ALDH1A3: variants seen among roughly 807,000 people sequenced by gnomAD.
The protein encoded by ALDH1A3 is aldehyde dehydrogenase 1 family member A3.
ALDH1A3 carries 28 observed loss-of-function variants against 57.5 expected under a neutral mutation model. The ratio of observed to expected loss-of-function variants is 0.49; its 90% confidence interval spans 0.36 to 0.67. ALDH1A3 has a LOEUF of 0.67. ALDH1A3 is among the 30% of genes least tolerant of loss of function. The probability of loss-of-function intolerance (pLI) is 0.00; values close to 1 mark genes in which losing one functional copy is unlikely to be tolerated. For missense variants in ALDH1A3, 507 were observed against 669.4 expected, an observed-to-expected ratio of 0.76 and a Z score of 2.68; for synonymous variants, 281 against 264.8, an observed-to-expected ratio of 1.06 and a Z score of -0.59.
In ALDH1A3 at chr15:100,916,063, C is replaced by A. The variant is rs1215411639; in HGVS notation, c.*1290C>A. 1 of 152,150 alleles carries A rather than the reference C, an allele frequency of 6.6e-6. No homozygotes were observed. Among genetic ancestry groups the A allele is most frequent in the Non-Finnish European group, 1.5e-5 (1 of 68,044 alleles). 9.4% of individuals were successfully genotyped at this position (152,150 alleles called of 1,614,324 possible). On this transcript the variant is annotated 3_prime_UTR_variant, in exon 13 of 13. Coordinates refer to ENST00000329841, the MANE Select transcript of ALDH1A3 (RefSeq NM_000693.4). ...TACTTTCCTAATTGGGAAAGTAGTG[C>A]TTAAGTTTGCAAATTAAGTTGGGGA...
At chr15:100,882,106 G>A (rs1427442885) in intron 1 of ALDH1A3, among the ~76,000 whole-genome samples, 1 of 152,258 alleles carries the variant, frequency 6.6e-6, no homozygotes, top group Non-Finnish European at 1.5e-5. Context: ...ATGGGAGCCA[G>A]CAGTGGTCTG....
In ALDH1A3 at chr15:100,885,319, C is replaced by T; in HGVS notation, c.152C>T (p.Thr51Ile). 1 of 1,614,000 alleles carries T rather than the reference C, an allele frequency of 6.2e-7. No homozygotes were observed. The highest frequency in any genetic ancestry group is 8.5e-7 in the Non-Finnish European group (1 of 1,179,872). The change falls in exon 2 of 13, where the codon ACA (threonine) becomes ATA (isoleucine). Residue 51 changes from threonine (T) to isoleucine (I), a missense_variant. Physicochemically the swap from Thr to Ile is moderately conservative, Grantham distance 89. This residue lies in a region of ALDH1A3 where 432 missense variants were observed against 608.4 expected (regional missense o/e 0.71). Transcript: ENST00000329841. ...TCCAAGAGTGGGAAAAAGTTTGCTA[C>T]ATGTAACCCTTCAACTCGGGAGCAA... is the stretch of plus-strand genomic sequence containing the variant. The part of the protein sequence containing the change: ...HESKSGKKFA[T>I]CNPSTREQIC...
intron 9 of ALDH1A3, among the ~76,000 whole-genome samples, chr15:100,902,651 A>G (rs1472300483): frequency 6.6e-6 from 1 of 152,240 alleles, no homozygotes; most frequent in African/African-American, 2.4e-5. Context: ...GCCTTGAGCC[A>G]GTCCTGTGGG....
In ALDH1A3 at chr15:100,900,776, G is replaced by A; in HGVS notation, c.1068+17G>A. ...GGGCCTCAGGTAATCCCCCTGGTGT[G>A]TGTGAAACCATGGTGCTTGTCTAGG... On this transcript the variant is annotated intron_variant, in intron 9 of 12. Transcript: ENST00000329841. 5 of 1,611,938 alleles carry A rather than the reference G, an allele frequency of 3.1e-6. No individual in the cohort carries two copies. The highest frequency in any genetic ancestry group is 4.2e-6 in the Non-Finnish European group (5 of 1,178,778).
chr15:100,890,288 G>T (rs974264969), intron 3 of ALDH1A3, among the ~76,000 whole-genome samples: 2 of 152,190 alleles, frequency 1.3e-5, no homozygotes, highest in African/African-American at 4.8e-5. Flanking sequence ...CTCTTAAAAT[G>T]TTAAAGGAAA....
chr15:100,898,296 A>C, intron 8 of ALDH1A3, 111 bp downstream of exon 8: 5 of 897,608 alleles, frequency 5.6e-6, no homozygotes, highest in Non-Finnish European at 1.7e-6. Flanking sequence ...GTGCACACAC[A>C]GTGGGGACGC....
chr15:100,911,458 C>T (rs1263680612), intron 12 of ALDH1A3, among the ~76,000 whole-genome samples: 1 of 152,262 alleles, frequency 6.6e-6, no homozygotes, highest in Non-Finnish European at 1.5e-5. Flanking sequence ...CCTCCCTGAC[C>T]TTCAGTCCCA....
chr15:100,912,104 C>T (rs6598397), intron 12 of ALDH1A3, among the ~76,000 whole-genome samples: 85,488 of 152,050 alleles, frequency 0.56, 24,238 homozygotes, highest in South Asian at 0.72. Context: ...GATGATCTCC[C>T]ATGAGGAACT....
rs77110338 is a variant in ALDH1A3 at position 100,893,555 on chromosome 15, G to A, written c.538-399G>A. The A allele has an allele frequency of 4.7e-3, 844 of 180,854 alleles. 11 individuals are homozygous for A. Among genetic ancestry groups the A allele is most frequent in the East Asian group, 0.025 (167 of 6,558 alleles). The allele number at this position is 180,854 out of a possible 1,614,324, so 11.2% of individuals were successfully genotyped here. The stretch of plus-strand genomic sequence containing the variant: ...GGGGATGCTTATAGGTGCCCAAGAA[G>A]TGCAACAATGCTGCCTGTCTGTTTG... On this transcript the variant is annotated intron_variant, in intron 5 of 12. Coordinates refer to ENST00000329841, the MANE Select transcript of ALDH1A3 (RefSeq NM_000693.4). This position sits in a 1 kb window ranked among gnomAD's most constrained non-coding sequence, Gnocchi z 4.8.
intron 12 of ALDH1A3, among the ~76,000 whole-genome samples, chr15:100,910,485 C>T (rs571264142): frequency 6.6e-6 from 1 of 152,338 alleles, no homozygotes; most frequent in South Asian, 2.1e-4. Context: ...CTGCAGCAGG[C>T]TCGGTTGAGC....
At chr15:100,890,234 A>G (rs1016869785) in intron 3 of ALDH1A3, among the ~76,000 whole-genome samples, 4 of 152,016 alleles carry the variant, frequency 2.6e-5, no homozygotes, top group Admixed American at 1.3e-4. Flanking sequence ...ATTCTTTAGT[A>G]TCTGAGGGTT....
At chr15:100,912,917 G>C (rs1364765742) in intron 12 of ALDH1A3, among the ~76,000 whole-genome samples, 1 of 101,830 alleles carries the variant, frequency 9.8e-6, no homozygotes, top group Non-Finnish European at 2.1e-5. Flanking sequence ...CCAGCACTTT[G>C]GGAGGCCGAG....
Position 100,895,943 on chromosome 15 carries a change from C to A in ALDH1A3, c.677C>A (p.Pro226His), listed in dbSNP as rs2041698476. Residue 226 changes from proline to histidine, a missense_variant, in exon 7 of 13, where the codon CCT becomes CAT. Around this residue, in one of 2 missense-constraint regions of ALDH1A3, gnomAD observed 432 missense variants for 608.4 expected, o/e 0.71. Transcript: ENST00000329841. ...TTGATTTCTTCCCAGGCCGGGTTCC[C>A]TCCAGGAGTGGTGAACATTGTGCCA... ...LGSLIKEAGFPPGVVNIVPGF... is the reference protein window; with the variant it reads ...LGSLIKEAGFHPGVVNIVPGF... The A allele has an allele frequency of 6.2e-7, 1 of 1,612,924 alleles. No individual in the cohort carries two copies.
rs1253814247 is a variant in ALDH1A3, at chr15:100,892,766, C to T, written c.475+127C>T. On this transcript the variant is annotated intron_variant, in intron 4 of 12. Transcript: ENST00000329841. ...AACCCCACTCCCTCTCCAAATGGTA[C>T]TGCCAATTCTTCTTCTAAGAACTTC... The T allele has an allele frequency of 5.0e-6, 7 of 1,388,008 alleles. No individual in the cohort carries two copies. The East Asian group carries it at 1.4e-4, about 28-fold the overall frequency. The allele number at this position is 1,388,008 out of a possible 1,614,324, so 86.0% of individuals were successfully genotyped here.
chr15:100,907,384 T>C (rs2041832808), intron 11 of ALDH1A3, 106 bp downstream of exon 11: 1 of 1,272,666 alleles, frequency 7.9e-7, no homozygotes, highest in Admixed American at 2.4e-5. Context: ...GTATATTATA[T>C]ACCAAGCCCT....
At position 100,914,957 on chromosome 15, in the gene ALDH1A3, G is replaced by A. The variant is rs142489050; in HGVS notation, c.*184G>A. 7 of 610,238 alleles carry A rather than the reference G, an allele frequency of 1.1e-5. No homozygotes were observed. In the East Asian group the frequency reaches 1.7e-4, roughly 15 times the overall value. 37.8% of individuals were successfully genotyped at this position (610,238 alleles called of 1,614,324 possible). On this transcript the variant is annotated 3_prime_UTR_variant, in exon 13 of 13. Coordinates refer to ENST00000329841, the MANE Select transcript of ALDH1A3 (RefSeq NM_000693.4). ...CCTGTTTATTCACCAGACTGGGGAT[G>A]CCTATAGGTTGTCTGTGAAATCGCA...
chr15:100,899,572 G>A (rs776755024), intron 8 of ALDH1A3, among the ~76,000 whole-genome samples: 9 of 152,062 alleles, frequency 5.9e-5, no homozygotes, highest in Non-Finnish European at 1.2e-4. Context: ...AGGGTAACAA[G>A]CCACCATTCC....
chr15:100,891,795 G>T (rs919125846), intron 3 of ALDH1A3, among the ~76,000 whole-genome samples: 2 of 152,238 alleles, frequency 1.3e-5, no homozygotes, highest in Non-Finnish European at 2.9e-5. Context: ...GGGACAAAGG[G>T]GTTCTCTTCC....
At chr15:100,902,338 A>G (rs1036153136) in intron 9 of ALDH1A3, among the ~76,000 whole-genome samples, 3 of 152,186 alleles carry the variant, frequency 2.0e-5, no homozygotes, top group African/African-American at 7.2e-5. Flanking sequence ...AAGCCGTCTA[A>G]CCTCAGCATA....
Sources: allele counts gnomAD v4.1 joint callset (sites outside exome capture counted in the v4.1 genomes callset), GRCh38; gene constraint gnomAD v4.1.1; regional missense constraint gnomAD v4.1.1; non-coding constraint Gnocchi (gnomAD v3.1); transcripts MANE v1.5; gene names NCBI Gene and HGNC (gene_info 2026-07-23, HGNC 2026-07-21).